The following SLC9B1 variants were observed in gnomAD, a reference collection of about 807,000 sequenced individuals.
SLC9B1 encodes the protein sodium/hydrogen exchanger 9B1.
Under a neutral mutation model 51.7 loss-of-function variants are expected in SLC9B1, and 32 were observed. That is an observed-to-expected ratio of 0.62 (90% CI 0.47 to 0.83). The LOEUF is 0.83. Ranked by LOEUF, SLC9B1 falls within the 40% of genes least tolerant of loss-of-function variation. SLC9B1 has a pLI of 0.00. For synonymous variants in SLC9B1, 145 were observed against 212.7 expected (o/e 0.68, Z 2.77); for missense variants, 406 against 613.2 (o/e 0.66, Z 3.57).
rs533781930 is a variant in SLC9B1 at position 102,946,452 on chromosome 4, T to G, written c.525+195A>C. Among the ~76,000 whole-genome samples, 420 of 128,206 alleles carry G rather than the reference T, an allele frequency of 3.3e-3. 3 individuals carry two copies. The highest frequency in any genetic ancestry group is 0.016 in the Middle Eastern group (4 of 252). The allele number at this position is 128,206 out of a possible 152,430, so 84.1% of individuals were successfully genotyped here. A position where few individuals can be genotyped will look rare whatever the true frequency, so the allele number is the denominator to read the frequency against. On this transcript the variant is annotated intron_variant, in intron 5 of 11. Coordinates refer to ENST00000296422, the MANE Select transcript of SLC9B1 (RefSeq NM_139173.4). ...CAGCCTCCCGAGTAGCTGGGATTAC[T>G]AGGTAAATGCCACCAGCCCGGCTAA...
chr4:102,917,859 C>T (rs1227820116), intron 7 of SLC9B1, among the ~76,000 whole-genome samples: 1 of 151,940 alleles, frequency 6.6e-6, no homozygotes, highest in Non-Finnish European at 1.5e-5. Flanking sequence ...CACCTGAGAT[C>T]AGGAGTTTGA....
At chr4:102,970,902 T>C (rs1478952947) in intron 3 of SLC9B1, among the ~76,000 whole-genome samples, 2 of 152,184 alleles carry the variant, frequency 1.3e-5, no homozygotes, top group Non-Finnish European at 2.9e-5. Flanking sequence ...GGCCATTATA[T>C]AGTGGTAAAG....
intron 4 of SLC9B1, among the ~76,000 whole-genome samples, chr4:102,947,338 G>T (rs575496895): frequency 6.6e-6 from 1 of 152,300 alleles, no homozygotes; most frequent in South Asian, 2.1e-4. Context: ...GGACAGCAGA[G>T]ATAAGATGTA....
chr4:102,954,599 A>T (rs1372300096), intron 3 of SLC9B1, among the ~76,000 whole-genome samples: 1 of 152,192 alleles, frequency 6.6e-6, no homozygotes, highest in Non-Finnish European at 1.5e-5. Flanking sequence ...TAAAGAAATC[A>T]TTCAATGTTG....
intron 7 of SLC9B1, among the ~76,000 whole-genome samples, chr4:102,916,826 T>C (rs1181914597): frequency 6.6e-6 from 1 of 152,218 alleles, no homozygotes; most frequent in Admixed American, 6.5e-5. Flanking sequence ...ATATACTCTG[T>C]TAACCAATTG....
intron 3 of SLC9B1, among the ~76,000 whole-genome samples, chr4:102,986,770 C>G (rs955902688): frequency 2.0e-5 from 3 of 152,170 alleles, no homozygotes; most frequent in Non-Finnish European, 4.4e-5. Flanking sequence ...ATAAGCCCAT[C>G]AAAGGCATTC....
chr4:103,005,539 G>A (rs942301086), intron 1 of SLC9B1, among the ~76,000 whole-genome samples: 2 of 152,118 alleles, frequency 1.3e-5, no homozygotes, highest in Non-Finnish European at 2.9e-5. Flanking sequence ...GACAGTACTA[G>A]ACAGATCACT....
chr4:102,956,767 T>C (rs1737835183), intron 3 of SLC9B1, among the ~76,000 whole-genome samples: 1 of 152,134 alleles, frequency 6.6e-6, no homozygotes, highest in Non-Finnish European at 1.5e-5. Context: ...TTTGCTATAA[T>C]GTGTAATTAA....
chr4:102,989,841 G>C lies in SLC9B1; in HGVS notation c.170C>G (p.Ser57Cys). Residue 57 changes from serine (S) to cysteine (C), a missense_variant, in exon 3 of 12, where the codon TCT becomes TGT. Coordinates refer to ENST00000296422, the MANE Select transcript of SLC9B1 (RefSeq NM_139173.4). ...ATTCAATACTCCTCTTAGAGGACAA[G>C]AAATGTATGTCTCCTTTTTTGTCTG... ...KPQTKKETYI[S>C]CPLRGVLNVI... 6.2e-7 allele frequency: 1 copy of C among 1,600,990 alleles called. No homozygotes were observed. Among genetic ancestry groups the C allele is most frequent in the Non-Finnish European group, 8.5e-7 (1 of 1,171,278 alleles).
chr4:102,968,847 A>G (rs1253351001), intron 3 of SLC9B1, among the ~76,000 whole-genome samples: 1 of 152,120 alleles, frequency 6.6e-6, no homozygotes, highest in Non-Finnish European at 1.5e-5. Context: ...ATGCTTTTCC[A>G]ATGGTCTTAG....
intron 9 of SLC9B1, among the ~76,000 whole-genome samples, chr4:102,907,963 ATT>A: frequency 6.8e-6 from 1 of 146,966 alleles, no homozygotes; most frequent in South Asian, 2.2e-4. Flanking sequence ...CATTCATTTC[ATT>A]TCTTTTATCA....
intron 1 of SLC9B1, among the ~76,000 whole-genome samples, chr4:103,009,000 G>C (rs1483571471): frequency 5.3e-5 from 8 of 151,922 alleles, no homozygotes; most frequent in Non-Finnish European, 2.9e-5. Context: ...GGGTTTCACC[G>C]TGTTAGCCAG....
chr4:102,891,504 CAAGAT>C (rs1265820280), intron 11 of SLC9B1: 6 of 152,140 alleles, frequency 3.9e-5, no homozygotes, highest in Non-Finnish European at 5.9e-5. Flanking sequence ...GAATTGGAAT[CAAGAT>C]AAGTAGTATG....
At chr4:102,943,941 T>C (rs1423550325) in intron 6 of SLC9B1, among the ~76,000 whole-genome samples, 1 of 152,122 alleles carries the variant, frequency 6.6e-6, no homozygotes, top group Non-Finnish European at 1.5e-5. Flanking sequence ...AATGGTGAAC[T>C]GGATAAAGAA....
intron 6 of SLC9B1, among the ~76,000 whole-genome samples, chr4:102,936,249 G>T (rs1006687476): frequency 2.0e-5 from 3 of 152,104 alleles, no homozygotes; most frequent in Non-Finnish European, 4.4e-5. Context: ...ATATAAAAAA[G>T]GAAAAAGCTC....
chr4:103,004,311 G>T (rs1375680980), intron 1 of SLC9B1, among the ~76,000 whole-genome samples: 1 of 152,078 alleles, frequency 6.6e-6, no homozygotes, highest in Non-Finnish European at 1.5e-5. Flanking sequence ...ATTAACAGCA[G>T]AATAGACCAA....
At chr4:102,981,821 A>G (rs1427011275) in intron 3 of SLC9B1, among the ~76,000 whole-genome samples, 2 of 152,126 alleles carry the variant, frequency 1.3e-5, no homozygotes, top group African/African-American at 2.4e-5. Flanking sequence ...CATTCTCTTG[A>G]AAGTGTATTC....
chr4:102,932,717 A>G (rs1250187882), intron 6 of SLC9B1, among the ~76,000 whole-genome samples: 1 of 152,234 alleles, frequency 6.6e-6, no homozygotes, highest in African/African-American at 2.4e-5. Flanking sequence ...AGATTGCCTC[A>G]AAAGATACAT....
intron 2 of SLC9B1, among the ~76,000 whole-genome samples, chr4:102,991,006 G>A (rs1382556501): frequency 6.6e-6 from 1 of 151,934 alleles, no homozygotes; most frequent in Non-Finnish European, 1.5e-5. Flanking sequence ...TGGGTGAAAG[G>A]TCATGTAGAG....
Sources: allele counts gnomAD v4.1 joint callset (sites outside exome capture counted in the v4.1 genomes callset), GRCh38; gene constraint gnomAD v4.1.1; transcripts MANE v1.5; gene names NCBI Gene and HGNC (gene_info 2026-07-23, HGNC 2026-07-21).